ADARB2: variants seen among roughly 807,000 people sequenced by gnomAD.
The protein encoded by ADARB2 is adenosine deaminase RNA specific B2 (inactive).
ADARB2 carries 25 observed loss-of-function variants against 62.2 expected under a neutral mutation model. The ratio of observed to expected loss-of-function variants is 0.40; its 90% confidence interval spans 0.29 to 0.56. The LOEUF is 0.56. Ranked by LOEUF, ADARB2 falls within the 20% of genes least tolerant of loss-of-function variation. The pLI, the probability that ADARB2 is intolerant of heterozygous loss-of-function variation, is 0.43. For missense variants in ADARB2, 1,071 were observed against 1,077.4 expected (o/e 0.99, Z 0.08); for synonymous variants, 572 against 500.8 (o/e 1.14, Z -1.90).
intron 3 of ADARB2, among the ~76,000 whole-genome samples, chr10:1,303,940 T>C (rs1589186238): frequency 6.6e-6 from 1 of 152,136 alleles, no homozygotes; most frequent in African/African-American, 2.4e-5. Flanking sequence ...GTAAAGACCA[T>C]TGAGACTAGG....
At chr10:1,430,652 A>T (rs1218707299) in intron 1 of ADARB2, among the ~76,000 whole-genome samples, 1 of 152,176 alleles carries the variant, frequency 6.6e-6, no homozygotes, top group East Asian at 1.9e-4. Context: ...AGGCAGGAGA[A>T]TCACTTGAAT....
At position 1,178,291 on chromosome 10, in the gene ADARB2, G is replaced by C. The variant is rs977470009; in HGVS notation, c.*4902C>G. ...GAGAGAAAGGGTTGAGAAGGGAAGC[G>C]AAGAGGCTGAGGGGAGAGTGAGCGG... is the stretch of plus-strand genomic sequence containing the variant. On this transcript the variant is annotated 3_prime_UTR_variant, in exon 10 of 10. Transcript: ENST00000381312. The C allele has an allele frequency of 1.3e-5, 2 of 152,468 alleles. No individual in the cohort carries two copies. The highest frequency in any genetic ancestry group is 2.9e-5 in the Non-Finnish European group (2 of 68,184). 9.4% of individuals were successfully genotyped at this position (152,468 alleles called of 1,614,324 possible).
chr10:1,280,680 A>G (rs73594112), intron 3 of ADARB2, among the ~76,000 whole-genome samples: 7,104 of 142,822 alleles, frequency 0.05, 577 homozygotes, highest in African/African-American at 0.18. Flanking sequence ...GTGATGCTCT[A>G]TGAAATTCCT....
chr10:1,671,411 A>G (rs940021869), intron 1 of ADARB2, among the ~76,000 whole-genome samples: 1 of 152,354 alleles, frequency 6.6e-6, no homozygotes, highest in African/African-American at 2.4e-5. Flanking sequence ...CAGATGTTGC[A>G]GAGGTTAAGT....
intron 1 of ADARB2, among the ~76,000 whole-genome samples, chr10:1,593,359 C>T (rs1360088223): frequency 1.3e-5 from 2 of 151,234 alleles, no homozygotes; most frequent in African/African-American, 4.9e-5. Context: ...TAGGTCTCCT[C>T]TCTGGCATGG....
At chr10:1,717,428 C>A (rs1463598599) in intron 1 of ADARB2, among the ~76,000 whole-genome samples, 1 of 151,820 alleles carries the variant, frequency 6.6e-6, no homozygotes, top group Non-Finnish European at 1.5e-5. Context: ...CACTCTCAGA[C>A]CCTGCGCGAG....
intron 1 of ADARB2, among the ~76,000 whole-genome samples, chr10:1,462,517 G>C (rs1831188442): frequency 6.6e-6 from 1 of 152,188 alleles, no homozygotes; most frequent in African/African-American, 2.4e-5. Context: ...TGAGTGTAGT[G>C]TGCCTGTATG....
chr10:1,705,944 A>G (rs1834884927), intron 1 of ADARB2, among the ~76,000 whole-genome samples: 1 of 152,206 alleles, frequency 6.6e-6, no homozygotes, highest in Non-Finnish European at 1.5e-5. Context: ...ACGGTGAATT[A>G]CAGTGGTTTA....
Position 1,277,558 on chromosome 10 carries a change from A to G in ADARB2, c.1078-6489T>C, listed in dbSNP as rs543983472. Among the ~76,000 whole-genome samples, 3 of 152,358 alleles carry G rather than the reference A, an allele frequency of 2.0e-5. 1 individual carries two copies. The South Asian group carries it at 6.2e-4, about 32-fold the overall frequency. ...ACCCTCCCAAGACTAAACCAGGAAG[A>G]AGTGGAATCTCTGAATAGACCAAAA... On this transcript the variant is annotated intron_variant, in intron 3 of 9. Coordinates refer to ENST00000381312, the MANE Select transcript of ADARB2 (RefSeq NM_018702.4).
intron 1 of ADARB2, among the ~76,000 whole-genome samples, chr10:1,598,998 C>G (rs1057442324): frequency 1.3e-5 from 2 of 152,204 alleles, no homozygotes; most frequent in Non-Finnish European, 1.5e-5. Context: ...GGCCCCAGGC[C>G]CTCAGCTGTT....
intron 1 of ADARB2, among the ~76,000 whole-genome samples, chr10:1,622,167 C>A (rs1389601189): frequency 6.6e-6 from 1 of 152,122 alleles, no homozygotes; most frequent in African/African-American, 2.4e-5. Context: ...TGAATATACA[C>A]CATTACCTTA....
At chr10:1,217,652 G>A (rs1395262353) in intron 6 of ADARB2, among the ~76,000 whole-genome samples, 2 of 152,212 alleles carry the variant, frequency 1.3e-5, no homozygotes, top group African/African-American at 4.8e-5. Context: ...CGGCTCCATG[G>A]TAAGCTGGCT....
chr10:1,477,758 C>T lies in ADARB2; in HGVS notation c.101-98598G>A, dbSNP rs1342331953. ...TATTTCCCTTAGACATAAATAGAGA[C>T]CACAGCCACGTGTTATTTCATGCTA... On this transcript the variant is annotated intron_variant, in intron 1 of 9. Coordinates refer to ENST00000381312, the MANE Select transcript of ADARB2 (RefSeq NM_018702.4). This position sits in a 1 kb window ranked among gnomAD's most constrained non-coding sequence, Gnocchi z 4.5. Among the ~76,000 whole-genome samples the T allele has an allele frequency of 6.6e-6, 1 of 152,194 alleles. No homozygotes were observed. The highest frequency in any genetic ancestry group is 1.9e-4 in the East Asian group (1 of 5,194).
intron 1 of ADARB2, among the ~76,000 whole-genome samples, chr10:1,579,773 G>A (rs763451563): frequency 1.3e-5 from 2 of 152,164 alleles, no homozygotes; most frequent in African/African-American, 2.4e-5. Flanking sequence ...TGAGGTTACC[G>A]CTGGTGACTT....
chr10:1,274,425 G>T (rs1251991003), intron 3 of ADARB2, among the ~76,000 whole-genome samples: 2 of 152,178 alleles, frequency 1.3e-5, no homozygotes, highest in Admixed American at 6.5e-5. Context: ...CACACGCTGT[G>T]CTCCAGAGTT....
At chr10:1,478,444 C>T (rs1185846612) in intron 1 of ADARB2, among the ~76,000 whole-genome samples, 3 of 152,176 alleles carry the variant, frequency 2.0e-5, no homozygotes, top group African/African-American at 2.4e-5. Flanking sequence ...GGGTCCAACT[C>T]TTAAATTTGT....
chr10:1,308,660 TTGG>T (rs1269865766), intron 3 of ADARB2, among the ~76,000 whole-genome samples: 4 of 152,216 alleles, frequency 2.6e-5, no homozygotes, highest in African/African-American at 9.6e-5. Context: ...TCACTGGCAT[TTGG>T]TGGTGTCAGT....
chr10:1,633,572 C>CTATCTATCTATCTATCTATCTA (rs1564353122), intron 1 of ADARB2, among the ~76,000 whole-genome samples: 40 of 146,898 alleles, frequency 2.7e-4, no homozygotes, highest in African/African-American at 6.9e-4. Flanking sequence ...ATCTATCTAT[C>CTATCTATCTATCTATCTATCTA]TATCTATCTA....
chr10:1,635,137 G>A lies in ADARB2; in HGVS notation c.100+101914C>T, dbSNP rs568755154. ...TTTTACAATTCCAAATGTATCTTAC[G>A]TAGAGGAGTGCCTTTAAAAAATATC... On this transcript the variant is annotated intron_variant, in intron 1 of 9. Coordinates refer to ENST00000381312, the MANE Select transcript of ADARB2 (RefSeq NM_018702.4). Among the ~76,000 whole-genome samples, 70 of 152,314 alleles carry A rather than the reference G, an allele frequency of 4.6e-4. 1 individual carries two copies. The South Asian group carries it at 7.0e-3, about 15-fold the overall frequency.
Sources: gnomAD v4.1 joint callset for allele counts (sites outside exome capture counted in the v4.1 genomes callset) on GRCh38, gnomAD v4.1.1 for gene constraint, Gnocchi (gnomAD v3.1) non-coding constraint, MANE v1.5 for transcripts, NCBI Gene and HGNC (gene_info 2026-07-23, HGNC 2026-07-21) for gene names.